CNTN5: variants seen among roughly 807,000 people sequenced by gnomAD.
CNTN5 encodes the protein contactin-5.
In CNTN5, 77 loss-of-function variants were observed where a neutral mutation model predicts 129.1. The ratio of observed to expected loss-of-function variants is 0.60; its 90% CI spans 0.50 to 0.72. The LOEUF (loss-of-function observed/expected upper bound fraction) is 0.72. CNTN5 is among the 30% of genes least tolerant of loss of function. The pLI is 0.00. For missense variants in CNTN5, 1,478 were observed against 1,328.8 expected, an observed-to-expected ratio of 1.11 and a Z score of -1.75; for synonymous variants, 509 against 465.6, an observed-to-expected ratio of 1.09 and a Z score of -1.20.
At chr11:99,290,404 G>A (rs1184565435) in intron 1 of CNTN5, among the ~76,000 whole-genome samples, 1 of 151,720 alleles carries the variant, frequency 6.6e-6, no homozygotes, top group Non-Finnish European at 1.5e-5. Flanking sequence ...AATTCTTAAA[G>A]GTCCCACAAA....
At chr11:100,091,654 C>G (rs1033727164) in intron 13 of CNTN5, among the ~76,000 whole-genome samples, 26 of 151,848 alleles carry the variant, frequency 1.7e-4, no homozygotes, top group Non-Finnish European at 2.8e-4. Context: ...GTCTTGAACT[C>G]CTGACCTTGT....
chr11:99,844,874 T>C lies in CNTN5; in HGVS notation c.300T>C (p.Val100=). The change falls in exon 5 of 25, where the codon GTT becomes GTC. Residue 100 remains valine (V), a synonymous_variant. Coordinates refer to ENST00000524871, the MANE Select transcript of CNTN5 (RefSeq NM_014361.4). ...CAGAAAGTGTGGACTATGGGCCAGT[T>C]TTTGTGCAAGAACCAGATGATATTA... ...KQDESVDYGP[V]FVQEPDDIIF... 1 of 1,613,602 alleles carries C rather than the reference T, an allele frequency of 6.2e-7. No homozygotes were observed.
chr11:99,995,102 T>C (rs1939357284), intron 8 of CNTN5, among the ~76,000 whole-genome samples: 1 of 152,174 alleles, frequency 6.6e-6, no homozygotes, highest in Admixed American at 6.5e-5. Context: ...GTGCAGCAAA[T>C]TTTAGACTGG....
chr11:100,015,618 A>C (rs939054271), intron 9 of CNTN5, among the ~76,000 whole-genome samples: 2 of 151,784 alleles, frequency 1.3e-5, no homozygotes, highest in Admixed American at 1.3e-4. Flanking sequence ...GATTACAAGC[A>C]TCTCTTCTCT....
intron 13 of CNTN5, among the ~76,000 whole-genome samples, chr11:100,168,433 A>C (rs575824638): frequency 1.3e-5 from 2 of 151,978 alleles, no homozygotes; most frequent in Non-Finnish European, 2.9e-5. Context: ...ATACTCCAAA[A>C]ATTGTAGGGC....
intron 2 of CNTN5, among the ~76,000 whole-genome samples, chr11:99,524,441 T>G (rs1433144607): frequency 6.6e-6 from 1 of 152,238 alleles, no homozygotes; most frequent in Non-Finnish European, 1.5e-5. Flanking sequence ...AACCAACTAT[T>G]TGTGACAAAT....
intron 24 of CNTN5, among the ~76,000 whole-genome samples, chr11:100,351,531 C>T (rs888984944): frequency 6.6e-5 from 10 of 150,926 alleles, no homozygotes; most frequent in Admixed American, 5.3e-4. Context: ...TCAAAACCTG[C>T]GTATGATTGT....
intron 3 of CNTN5, among the ~76,000 whole-genome samples, chr11:99,765,318 T>TAC (rs939251925): frequency 1.3e-5 from 2 of 151,756 alleles, no homozygotes; most frequent in Non-Finnish European, 2.9e-5. Flanking sequence ...TATATATATA[T>TAC]ACATATATAC....
At position 99,204,623 on chromosome 11, in the gene CNTN5, A is replaced by C. The variant is rs1440968707; in HGVS notation, c.-209-120723A>C. On this transcript the variant is annotated intron_variant, in intron 1 of 24. Transcript: ENST00000524871. The stretch of plus-strand genomic sequence containing the variant: ...AAAAGTTATGTCAGCATCATTATGC[A>C]ACACCTGTGATCAGTGTGCAATGGA... Among the ~76,000 whole-genome samples, 8 of 152,322 alleles carry C rather than the reference A, an allele frequency of 5.3e-5. 1 individual carries two copies. The East Asian group carries it at 1.5e-3, about 29-fold the overall frequency.
At chr11:99,825,101 G>A (rs1337270186) in intron 4 of CNTN5, among the ~76,000 whole-genome samples, 2 of 151,922 alleles carry the variant, frequency 1.3e-5, no homozygotes, top group East Asian at 3.9e-4. Flanking sequence ...TACTATATTT[G>A]GAAAAATTGC....
intron 2 of CNTN5, among the ~76,000 whole-genome samples, chr11:99,341,105 C>G (rs1375660966): frequency 6.6e-6 from 1 of 152,026 alleles, no homozygotes; most frequent in African/African-American, 2.4e-5. Flanking sequence ...AGATAAAAGC[C>G]TAACAAGAGA....
intron 4 of CNTN5, among the ~76,000 whole-genome samples, chr11:99,821,272 G>A (rs1946792730): frequency 6.6e-6 from 1 of 152,056 alleles, no homozygotes; most frequent in Non-Finnish European, 1.5e-5. Context: ...GTCAATATAA[G>A]TATGAATTCA....
intron 16 of CNTN5, among the ~76,000 whole-genome samples, chr11:100,254,505 C>A (rs369169718): frequency 2.0e-5 from 3 of 152,196 alleles, no homozygotes; most frequent in Admixed American, 2.0e-4. Flanking sequence ...CTTTCGGTCA[C>A]CTTCCTGATA....
At chr11:99,711,124 ATTGT>A (rs1954970237) in intron 3 of CNTN5, among the ~76,000 whole-genome samples, 2 of 151,904 alleles carry the variant, frequency 1.3e-5, no homozygotes, top group African/African-American at 4.8e-5. Context: ...AACATTTTTG[ATTGT>A]TCCTTCACCT....
chr11:99,905,946 G>C (rs1416106426), intron 6 of CNTN5, among the ~76,000 whole-genome samples: 2 of 152,080 alleles, frequency 1.3e-5, no homozygotes, highest in East Asian at 3.9e-4. Context: ...CTGTTTGTCT[G>C]TTATTGGTGT....
chr11:99,132,873 T>C (rs1859015895), intron 1 of CNTN5, among the ~76,000 whole-genome samples: 2 of 152,086 alleles, frequency 1.3e-5, no homozygotes, highest in South Asian at 2.1e-4. Flanking sequence ...TAAACTACAA[T>C]TGACATTCTT....
intron 17 of CNTN5, among the ~76,000 whole-genome samples, chr11:100,257,964 A>C (rs1950111792): frequency 6.6e-6 from 1 of 152,162 alleles, no homozygotes; most frequent in Non-Finnish European, 1.5e-5. Context: ...AGAAGCAGGC[A>C]TCAGAAGGTG....
chr11:100,050,884 A>C (rs1219055880), intron 9 of CNTN5, among the ~76,000 whole-genome samples: 1 of 152,130 alleles, frequency 6.6e-6, no homozygotes, highest in African/African-American at 2.4e-5. Flanking sequence ...CTTTTCAAGA[A>C]GACATTCAAA....
At chr11:99,439,933 G>A (rs1043725906) in intron 2 of CNTN5, among the ~76,000 whole-genome samples, 7 of 152,004 alleles carry the variant, frequency 4.6e-5, no homozygotes, top group African/African-American at 1.7e-4. Flanking sequence ...TGCAGATGTG[G>A]TTGTAATAAA....
Sources: allele counts gnomAD v4.1 joint callset (sites outside exome capture counted in the v4.1 genomes callset), GRCh38; gene constraint gnomAD v4.1.1; transcripts MANE v1.5; gene names NCBI Gene and HGNC (gene_info 2026-07-23, HGNC 2026-07-21).